The following IPO11 variants were observed in gnomAD, a reference collection of about 807,000 sequenced individuals.
IPO11 encodes importin 11, also known as importin-11.
In IPO11, 66 loss-of-function variants were observed where a neutral mutation model predicts 143.2. The observed-to-expected ratio is 0.46, with a 90% CI of 0.38 to 0.57. The LOEUF is 0.57. Ranked by LOEUF, IPO11 falls within the 20% of genes least tolerant of loss-of-function variation. IPO11 has a pLI of 0.00. For missense variants in IPO11, 1,026 were observed against 1,141.0 expected (o/e 0.90, Z 1.45); for synonymous variants, 385 against 377.8 (o/e 1.02, Z -0.22).
intron 28 of IPO11, among the ~76,000 whole-genome samples, chr5:62,597,934 A>G (rs768697788): frequency 1.3e-4 from 20 of 152,058 alleles, no homozygotes; most frequent in Non-Finnish European, 2.6e-4. Flanking sequence ...GTTTTTTTCT[A>G]CTCCATCCCC....
chr5:62,585,515 G>T (rs375497923), intron 27 of IPO11, among the ~76,000 whole-genome samples: 1 of 152,184 alleles, frequency 6.6e-6, no homozygotes, highest in Non-Finnish European at 1.5e-5. Flanking sequence ...GTGAGGCTAG[G>T]TAAGGTCAGA....
At chr5:62,619,691 A>G (rs1278420239) in intron 29 of IPO11, among the ~76,000 whole-genome samples, 1 of 151,988 alleles carries the variant, frequency 6.6e-6, no homozygotes, top group East Asian at 1.9e-4. Context: ...ATCTCTACTA[A>G]AAATACAAAA....
At chr5:62,558,156 A>C (rs1013514653) in intron 26 of IPO11, among the ~76,000 whole-genome samples, 1 of 152,240 alleles carries the variant, frequency 6.6e-6, no homozygotes, top group Non-Finnish European at 1.5e-5. Flanking sequence ...GCAAATTAGC[A>C]AACAGGGTAA....
At chr5:62,479,182 C>T (rs1196739357) in intron 9 of IPO11, among the ~76,000 whole-genome samples, 2 of 152,080 alleles carry the variant, frequency 1.3e-5, no homozygotes, top group South Asian at 2.1e-4. Flanking sequence ...TGAGAATGTG[C>T]GGTGTTTGGT....
intron 26 of IPO11, 121 bp from the exon 27 acceptor site, chr5:62,561,015 T>A: frequency 1.2e-6 from 1 of 844,200 alleles, no homozygotes; most frequent in Non-Finnish European, 1.8e-6. Context: ...GGTATTCCAG[T>A]TCTGTGGTTT....
intron 28 of IPO11, among the ~76,000 whole-genome samples, chr5:62,593,418 G>A (rs1036030854): frequency 6.6e-6 from 1 of 152,134 alleles, no homozygotes; most frequent in Non-Finnish European, 1.5e-5. Context: ...AGAGACTGAG[G>A]CAGGCAAATT....
chr5:62,545,102 A>G (rs1301794070), intron 24 of IPO11, among the ~76,000 whole-genome samples: 6 of 152,182 alleles, frequency 3.9e-5, no homozygotes, highest in Non-Finnish European at 8.8e-5. Context: ...AAACTACTTT[A>G]AAGTTCATAT....
chr5:62,627,007 C>A, intron 29 of IPO11, 147 bp from the exon 30 acceptor site: 1 of 536,548 alleles, frequency 1.9e-6, no homozygotes, highest in East Asian at 3.2e-5. Flanking sequence ...ATTTTTCCAC[C>A]ATGAGATTAG....
chr5:62,448,014 C>T (rs762587913), intron 3 of IPO11, among the ~76,000 whole-genome samples: 6 of 152,174 alleles, frequency 3.9e-5, no homozygotes, highest in Non-Finnish European at 7.3e-5. Context: ...TGTGTCCAGC[C>T]TCACACTTTG....
intron 1 of IPO11, among the ~76,000 whole-genome samples, chr5:62,429,143 G>T (rs921637270): frequency 1.3e-5 from 2 of 152,052 alleles, no homozygotes; most frequent in African/African-American, 4.8e-5. Context: ...CATTTTCATC[G>T]TTCCAAATAG....
At chr5:62,572,472 A>C (rs1292957205) in intron 27 of IPO11, among the ~76,000 whole-genome samples, 1 of 152,232 alleles carries the variant, frequency 6.6e-6, no homozygotes, top group Non-Finnish European at 1.5e-5. Flanking sequence ...GCTTATTCAC[A>C]GGACACAATA....
intron 27 of IPO11, chr5:62,580,077 T>G: frequency 1.9e-6 from 3 of 1,551,102 alleles, no homozygotes; most frequent in Non-Finnish European, 2.6e-6. Context: ...ATTTAGGAAG[T>G]AATAATTTAA....
At chr5:62,530,574 G>A in intron 21 of IPO11, 135 bp from the exon 22 acceptor site, 1 of 581,306 alleles carries the variant, frequency 1.7e-6, no homozygotes, top group Non-Finnish European at 3.1e-6. Context: ...TTCTTTCTTA[G>A]ATAATTTTTA....
In IPO11 at chr5:62,493,983, T is replaced by C. The variant is rs1741038641; in HGVS notation, c.1464-15T>C. The C allele has an allele frequency of 6.3e-7, 1 of 1,591,320 alleles. No individual in the cohort carries two copies. The highest frequency in any genetic ancestry group is 8.5e-7 in the Non-Finnish European group (1 of 1,171,424). On this transcript the variant is annotated splice_polypyrimidine_tract_variant and intron_variant, in intron 15 of 29. Transcript: ENST00000325324. ...AATATTTAACATTTTAATTTCATGA[T>C]TTTTTCCTGTTTAGGTATAAGCCAT...
chr5:62,596,920 C>A lies in IPO11; in HGVS notation c.2679-4844C>A, dbSNP rs546159484. Among the ~76,000 whole-genome samples the A allele has an allele frequency of 3.9e-5, 6 of 152,308 alleles. No individual in the cohort carries two copies. The East Asian group carries it at 9.7e-4, about 25-fold the overall frequency. ...AACATGCCATACACTTATGGCTTGA[C>A]TAATAATATTTCTGCTCCTTGGTGT... On this transcript the variant is annotated intron_variant, in intron 28 of 29. Coordinates refer to ENST00000325324, the MANE Select transcript of IPO11 (RefSeq NM_016338.5).
chr5:62,528,823 T>C (rs930903726), intron 21 of IPO11, among the ~76,000 whole-genome samples: 3 of 152,074 alleles, frequency 2.0e-5, no homozygotes, highest in African/African-American at 7.2e-5. Flanking sequence ...AATGGGAATT[T>C]GAATTTATTA....
intron 16 of IPO11, 128 bp downstream of exon 16, chr5:62,494,252 G>T (rs1741049291): frequency 3.0e-6 from 2 of 666,438 alleles, no homozygotes; most frequent in Non-Finnish European, 2.2e-6. Flanking sequence ...GTTATTCCTT[G>T]GTGAGCAGTT....
intron 2 of IPO11, among the ~76,000 whole-genome samples, chr5:62,438,569 A>T (rs1352816676): frequency 6.6e-6 from 1 of 150,764 alleles, no homozygotes; most frequent in Admixed American, 6.6e-5. Context: ...CCTGACTGAC[A>T]TGCTGAAACC....
At chr5:62,600,261 G>C (rs1235675445) in intron 28 of IPO11, among the ~76,000 whole-genome samples, 2 of 152,102 alleles carry the variant, frequency 1.3e-5, no homozygotes, top group African/African-American at 2.4e-5. Flanking sequence ...GTCCAGGTTG[G>C]TCTCGAGCTT....
Sources: allele counts gnomAD v4.1 joint callset (sites outside exome capture counted in the v4.1 genomes callset), GRCh38; gene constraint gnomAD v4.1.1; transcripts MANE v1.5; gene names NCBI Gene and HGNC (gene_info 2026-07-23, HGNC 2026-07-21).